KLHL1: variants seen among roughly 807,000 people sequenced by gnomAD.
KLHL1 encodes kelch like family member 1.
A neutral mutation model predicts 77.7 loss-of-function variants in KLHL1; 47 were observed. That is an observed-to-expected ratio of 0.60 (90% CI 0.48 to 0.77). The LOEUF (loss-of-function observed/expected upper bound fraction) is 0.77, where lower values mean the gene tolerates loss of function less well. Ranked by LOEUF, KLHL1 falls within the 30% of genes least tolerant of loss-of-function variation. The probability of loss-of-function intolerance (pLI) is 0.00; values close to 1 mark genes in which losing one functional copy is unlikely to be tolerated. For missense variants in KLHL1, 925 were observed against 910.8 expected (o/e 1.02, Z -0.20); for synonymous variants, 360 against 325.2 (o/e 1.11, Z -1.15).
At chr13:70,071,563 C>T (rs920541893) in intron 1 of KLHL1, among the ~76,000 whole-genome samples, 3 of 151,828 alleles carry the variant, frequency 2.0e-5, no homozygotes, top group Non-Finnish European at 2.9e-5. Flanking sequence ...CAAGACACAT[C>T]ACATTGCAGG....
At chr13:69,903,042 G>C (rs1881925389) in intron 4 of KLHL1, among the ~76,000 whole-genome samples, 1 of 152,026 alleles carries the variant, frequency 6.6e-6, no homozygotes, top group Non-Finnish European at 1.5e-5. Flanking sequence ...CTTATTAAAG[G>C]ATCTATTATG....
chr13:69,730,928 G>C (rs937451532), intron 8 of KLHL1, among the ~76,000 whole-genome samples: 1 of 152,066 alleles, frequency 6.6e-6, no homozygotes, highest in African/African-American at 2.4e-5. Flanking sequence ...TCCATGAATA[G>C]ATATACCCAC....
chr13:69,877,402 T>C (rs1467291912), intron 5 of KLHL1, among the ~76,000 whole-genome samples: 2 of 151,994 alleles, frequency 1.3e-5, no homozygotes, highest in African/African-American at 4.8e-5. Context: ...CTTTGTTGAA[T>C]CCCAGAAAGA....
At chr13:69,904,065 A>G (rs556879116) in intron 4 of KLHL1, among the ~76,000 whole-genome samples, 2 of 152,176 alleles carry the variant, frequency 1.3e-5, no homozygotes, top group African/African-American at 4.8e-5. Context: ...TATTATATTA[A>G]TATGCAGACC....
At chr13:69,730,468 G>A (rs900898228) in intron 8 of KLHL1, among the ~76,000 whole-genome samples, 1 of 151,178 alleles carries the variant, frequency 6.6e-6, no homozygotes, top group African/African-American at 2.5e-5. Context: ...CTAAATAACC[G>A]ACTGTTACTT....
At chr13:69,976,149 A>G (rs1350943941) in intron 1 of KLHL1, among the ~76,000 whole-genome samples, 1 of 152,058 alleles carries the variant, frequency 6.6e-6, no homozygotes, top group Admixed American at 6.6e-5. Flanking sequence ...ATGAAATGTT[A>G]ATTTCGTTCA....
At chr13:69,727,624 C>G (rs533644536) in intron 8 of KLHL1, among the ~76,000 whole-genome samples, 1 of 152,012 alleles carries the variant, frequency 6.6e-6, no homozygotes, top group Admixed American at 6.6e-5. Flanking sequence ...GAATGAAGAA[C>G]CTGGAAATGA....
At chr13:69,807,971 C>G (rs935317262) in intron 6 of KLHL1, among the ~76,000 whole-genome samples, 5 of 152,058 alleles carry the variant, frequency 3.3e-5, no homozygotes, top group Non-Finnish European at 5.9e-5. Flanking sequence ...AGATGTCACT[C>G]TCCTGGAGAT....
intron 7 of KLHL1, among the ~76,000 whole-genome samples, chr13:69,788,499 C>T (rs556775792): frequency 7.9e-5 from 12 of 151,140 alleles, no homozygotes; most frequent in East Asian, 2.0e-4. Flanking sequence ...CATCACACTT[C>T]GGGGACTGTT....
chr13:70,103,689 A>G (rs1295494099), intron 1 of KLHL1, among the ~76,000 whole-genome samples: 3 of 152,140 alleles, frequency 2.0e-5, no homozygotes, highest in Non-Finnish European at 2.9e-5. Flanking sequence ...AATTGAGGGG[A>G]AAGAAGATAT....
chr13:69,934,884 CT>C (rs1288284861), intron 4 of KLHL1, among the ~76,000 whole-genome samples: 3 of 149,864 alleles, frequency 2.0e-5, no homozygotes, highest in African/African-American at 7.4e-5. Flanking sequence ...TTTAAGGAAT[CT>C]TTTCCTGATT....
chr13:69,844,429 C>T (rs990150121), intron 5 of KLHL1, among the ~76,000 whole-genome samples: 4 of 151,560 alleles, frequency 2.6e-5, no homozygotes, highest in African/African-American at 7.3e-5. Context: ...CCACTGTAAC[C>T]TATTGTTGTA....
chr13:69,883,406 C>T (rs1566361712), intron 4 of KLHL1, among the ~76,000 whole-genome samples: 3 of 152,168 alleles, frequency 2.0e-5, no homozygotes, highest in Non-Finnish European at 4.4e-5. Flanking sequence ...AAATTTCTGT[C>T]ACATTTCAAG....
chr13:69,854,661 G>A (rs17085527), intron 5 of KLHL1, among the ~76,000 whole-genome samples: 24,092 of 151,980 alleles, frequency 0.16, 2,034 homozygotes, highest in East Asian at 0.25. Flanking sequence ...CTCTGAAATT[G>A]TAAATGCTGC....
intron 1 of KLHL1, among the ~76,000 whole-genome samples, chr13:70,105,691 A>T (rs952119287): frequency 6.6e-6 from 1 of 151,246 alleles, no homozygotes; most frequent in Non-Finnish European, 1.5e-5. Context: ...ATTTCAGTAC[A>T]TTTGATTTTT....
In KLHL1 at chr13:69,725,069, G is replaced by T. The variant is rs930117619; in HGVS notation, c.1803-5488C>A. 2.0e-5 allele frequency among the ~76,000 whole-genome samples: 3 copies of T among 152,222 alleles called. No individual in the cohort carries two copies. The South Asian group carries it at 6.2e-4, about 32-fold the overall frequency. On this transcript the variant is annotated intron_variant, in intron 8 of 10. Transcript: ENST00000377844. ...GTTTTGGAAACTCTAATCCTTTAAAGAGGCTGCCAGAAAACCTGTCCAACC... is the reference window on the plus strand; with the variant it reads ...GTTTTGGAAACTCTAATCCTTTAAATAGGCTGCCAGAAAACCTGTCCAACC...
intron 8 of KLHL1, among the ~76,000 whole-genome samples, chr13:69,721,788 T>C (rs1450528898): frequency 6.6e-6 from 1 of 152,120 alleles, no homozygotes; most frequent in Admixed American, 6.6e-5. Flanking sequence ...TTGATGCGTG[T>C]AATACCTCTT....
intron 5 of KLHL1, among the ~76,000 whole-genome samples, chr13:69,862,923 A>G (rs1347269024): frequency 6.6e-6 from 1 of 152,138 alleles, no homozygotes; most frequent in African/African-American, 2.4e-5. Flanking sequence ...CACCCAGTCT[A>G]TAAGATTTTA....
At chr13:69,935,641 A>T (rs538403034) in intron 4 of KLHL1, among the ~76,000 whole-genome samples, 2 of 152,264 alleles carry the variant, frequency 1.3e-5, no homozygotes, top group Admixed American at 1.3e-4. Flanking sequence ...GAGTATTTCC[A>T]TCAGAGGGAA....
Sources: gnomAD v4.1 joint callset for allele counts (sites outside exome capture counted in the v4.1 genomes callset) on GRCh38, gnomAD v4.1.1 for gene constraint, MANE v1.5 for transcripts, NCBI Gene and HGNC (gene_info 2026-07-23, HGNC 2026-07-21) for gene names.